CA10: variants seen among roughly 807,000 people sequenced by gnomAD.
CA10 encodes carbonic anhydrase-related protein 10.
CA10 carries 14 observed loss-of-function variants against 44.2 expected under a neutral mutation model. That is an observed-to-expected ratio of 0.32 (90% CI 0.21 to 0.50). The LOEUF is 0.50. Among genes scored for constraint, CA10 ranks in the 20% least tolerant of loss-of-function variants. The pLI, the probability that CA10 is intolerant of heterozygous loss-of-function variation, is 0.99. For synonymous variants in CA10, 159 were observed against 141.6 expected, an observed-to-expected ratio of 1.12 and a Z score of -0.87; for missense variants, 350 against 409.7, an observed-to-expected ratio of 0.85 and a Z score of 1.26.
chr17:52,063,468 A>G (rs1331140339), intron 2 of CA10, among the ~76,000 whole-genome samples: 1 of 152,210 alleles, frequency 6.6e-6, no homozygotes, highest in Non-Finnish European at 1.5e-5. Context: ...TTGATTCGCA[A>G]TGTTGCAGGT....
chr17:52,073,936 G>A (rs1263476794), intron 1 of CA10, among the ~76,000 whole-genome samples: 4 of 152,150 alleles, frequency 2.6e-5, no homozygotes, highest in South Asian at 4.1e-4. Flanking sequence ...CTTTAGACCC[G>A]ACCAAGCCAA....
At chr17:51,749,568 GC>G (rs1169327075) in intron 3 of CA10, among the ~76,000 whole-genome samples, 1 of 152,222 alleles carries the variant, frequency 6.6e-6, no homozygotes, top group Non-Finnish European at 1.5e-5. Context: ...TAGGCTTGGA[GC>G]TAAATGATTA....
intron 3 of CA10, among the ~76,000 whole-genome samples, chr17:51,876,038 G>A (rs1980056506): frequency 6.6e-6 from 1 of 151,830 alleles, no homozygotes; most frequent in Non-Finnish European, 1.5e-5. Flanking sequence ...GGGGACCATG[G>A]TTTATCTGTT....
Position 51,897,806 on chromosome 17 carries a change from A to AT in CA10, c.279+33183dup, listed in dbSNP as rs1032749907. ...TCCCTGGTTAGCTGTATTCCTAGGT[A>AT]TTTTATTCTTTTTTGTGGCTGTTGT... is the stretch of plus-strand genomic sequence containing the variant. On this transcript the variant is annotated intron_variant, in intron 3 of 8. Coordinates refer to ENST00000451037, the MANE Select transcript of CA10 (RefSeq NM_020178.5). Among the ~76,000 whole-genome samples, 45 of 151,990 alleles carry AT rather than the reference A, an allele frequency of 3.0e-4. 1 individual carries two copies. Among genetic ancestry groups the AT allele is most frequent in the African/African-American group, 1.1e-3 (45 of 41,482 alleles).
At chr17:51,666,682 T>C (rs1361854122) in intron 4 of CA10, among the ~76,000 whole-genome samples, 1 of 141,476 alleles carries the variant, frequency 7.1e-6, no homozygotes, top group East Asian at 2.0e-4. Flanking sequence ...TGCCAGTACT[T>C]GACAAGTTAA....
At chr17:51,712,596 G>A (rs557132121) in intron 4 of CA10, among the ~76,000 whole-genome samples, 116 of 152,272 alleles carry the variant, frequency 7.6e-4, no homozygotes, top group Non-Finnish European at 1.3e-3. Context: ...AATAGGCACC[G>A]GGGATTGATA....
chr17:52,119,277 G>C (rs1988962559), intron 1 of CA10, among the ~76,000 whole-genome samples: 1 of 128,754 alleles, frequency 7.8e-6, no homozygotes, highest in Non-Finnish European at 1.8e-5. Context: ...ATTTGTGTCA[G>C]TGCAATAAGA....
chr17:52,115,183 G>T (rs529249455), intron 1 of CA10, among the ~76,000 whole-genome samples: 2 of 152,196 alleles, frequency 1.3e-5, no homozygotes, highest in African/African-American at 4.8e-5. Context: ...AATCTGCGAG[G>T]TGGGAGCCTA....
At chr17:51,995,982 C>T (rs1709055987) in intron 2 of CA10, among the ~76,000 whole-genome samples, 1 of 152,030 alleles carries the variant, frequency 6.6e-6, no homozygotes, top group South Asian at 2.1e-4. Context: ...CTGTCAAAAG[C>T]CTGCCATCCA....
rs376848810 is a variant in CA10 at position 51,637,368 on chromosome 17, C to T, written c.635-1359G>A. Reference sequence around the variant, plus strand: ...CCATGGCTTCACTTGCCTTCTGCATCCCAGTGATTCCAGATCTATATCTCT... The same window carrying T: ...CCATGGCTTCACTTGCCTTCTGCATTCCAGTGATTCCAGATCTATATCTCT... On this transcript the variant is annotated intron_variant, in intron 6 of 8. Transcript: ENST00000451037. Among the ~76,000 whole-genome samples the T allele has an allele frequency of 5.3e-5, 8 of 152,190 alleles. No homozygotes were observed. In the East Asian group the frequency reaches 7.7e-4, roughly 15 times the overall value.
intron 3 of CA10, among the ~76,000 whole-genome samples, chr17:51,907,295 C>G (rs1981597749): frequency 6.6e-6 from 1 of 152,054 alleles, no homozygotes; most frequent in Non-Finnish European, 1.5e-5. Flanking sequence ...CACTTGCTTA[C>G]TCCACTTAGG....
Position 51,747,888 on chromosome 17 carries a change from G to T in CA10, c.280-70C>A, listed in dbSNP as rs139998877. 2.7e-4 allele frequency: 337 copies of T among 1,232,038 alleles called. 3 individuals are homozygous for T. In the African/African-American group the frequency reaches 4.4e-3, roughly 16 times the overall value. 76.3% of individuals were successfully genotyped at this position (1,232,038 alleles called of 1,614,324 possible). A position where few individuals can be genotyped will look rare whatever the true frequency, so the allele number is the denominator to read the frequency against. Reference sequence around the variant, plus strand: ...TATGCCTCCCCAAACCCAGCATGGTGCTTGGATCAACACCTTTTGCTTCCT... The same window carrying T: ...TATGCCTCCCCAAACCCAGCATGGTTCTTGGATCAACACCTTTTGCTTCCT... On this transcript the variant is annotated intron_variant, in intron 3 of 8. Coordinates refer to ENST00000451037, the MANE Select transcript of CA10 (RefSeq NM_020178.5).
At chr17:52,139,762 G>A (rs923834198) in intron 1 of CA10, among the ~76,000 whole-genome samples, 14 of 152,068 alleles carry the variant, frequency 9.2e-5, no homozygotes, top group African/African-American at 3.1e-4. Flanking sequence ...TTACCTGGGT[G>A]CCTGTCTCCT....
intron 4 of CA10, among the ~76,000 whole-genome samples, chr17:51,669,219 C>A (rs1255381369): frequency 6.6e-6 from 1 of 152,200 alleles, no homozygotes; most frequent in Non-Finnish European, 1.5e-5. Flanking sequence ...CGGGTGGGGA[C>A]TTGGAGAACT....
At chr17:51,735,884 G>A (rs1916887586) in intron 4 of CA10, among the ~76,000 whole-genome samples, 1 of 148,594 alleles carries the variant, frequency 6.7e-6, no homozygotes, top group Admixed American at 6.8e-5. Flanking sequence ...TCCAGGAAAG[G>A]CAAAACTCTA....
chr17:52,045,901 A>G (rs1321979401), intron 2 of CA10, among the ~76,000 whole-genome samples: 1 of 151,980 alleles, frequency 6.6e-6, no homozygotes, highest in Non-Finnish European at 1.5e-5. Flanking sequence ...ATCACAACAG[A>G]AATGAACTAG....
intron 4 of CA10, among the ~76,000 whole-genome samples, chr17:51,737,730 T>C (rs1259757465): frequency 6.6e-6 from 1 of 152,128 alleles, no homozygotes; most frequent in Admixed American, 6.6e-5. Context: ...CTTAGGCCAT[T>C]GTCCTTCCCT....
Position 51,748,144 on chromosome 17 carries a change from G to C in CA10, c.280-326C>G, listed in dbSNP as rs1305081102. On this transcript the variant is annotated intron_variant, in intron 3 of 8. Transcript: ENST00000451037. Reference sequence around the variant, plus strand: ...TTACTATAAGGATTTGGAATGGAAAGATACTGCAAGAGTTCTAAATCTCAG... The same window carrying C: ...TTACTATAAGGATTTGGAATGGAAACATACTGCAAGAGTTCTAAATCTCAG... Among the ~76,000 whole-genome samples the C allele has an allele frequency of 5.3e-5, 8 of 152,204 alleles. No individual in the cohort carries two copies. The South Asian group carries it at 8.3e-4, about 16-fold the overall frequency.
intron 4 of CA10, among the ~76,000 whole-genome samples, chr17:51,746,824 T>C (rs932688478): frequency 6.6e-6 from 1 of 152,200 alleles, no homozygotes; most frequent in Non-Finnish European, 1.5e-5. Context: ...ATACATGATC[T>C]TTAAAAAAAT....
Sources: gnomAD v4.1 joint callset for allele counts (sites outside exome capture counted in the v4.1 genomes callset) on GRCh38, gnomAD v4.1.1 for gene constraint, MANE v1.5 for transcripts, NCBI Gene and HGNC (gene_info 2026-07-23, HGNC 2026-07-21) for gene names.